Variants in PRKAR1A observed in about 807,000 individuals in gnomAD.
PRKAR1A encodes the protein cAMP-dependent protein kinase type I-alpha regulatory subunit.
A neutral mutation model predicts 52.0 loss-of-function variants in PRKAR1A; 3 were observed. That is an observed-to-expected ratio of 0.06 (90% CI 0.03 to 0.15). The LOEUF (loss-of-function observed/expected upper bound fraction) is 0.15, where lower values mean the gene tolerates loss of function less well. Among genes scored for constraint, PRKAR1A ranks in the 10% least tolerant of loss-of-function variants. The pLI is 1.00. For synonymous variants in PRKAR1A, 188 were observed against 168.4 expected, an observed-to-expected ratio of 1.12 and a Z score of -0.90; for missense variants, 240 against 477.4, an observed-to-expected ratio of 0.50 and a Z score of 4.63.
intron 2 of PRKAR1A, among the ~76,000 whole-genome samples, chr17:68,516,801 C>T (rs1053571390): frequency 4.6e-5 from 7 of 151,718 alleles, no homozygotes; most frequent in Admixed American, 6.6e-5. Flanking sequence ...GATATTCTGG[C>T]TTTCTCTTAT....
the PRKAR1A span, among the ~76,000 whole-genome samples, chr17:68,502,888 T>G: frequency 6.6e-6 from 1 of 152,170 alleles, no homozygotes; most frequent in Non-Finnish European, 1.5e-5. Context: ...AATTGTTAAC[T>G]TCTATGATTT....
chr17:68,444,734 TATGGATGTACAC>T, the PRKAR1A span: 1 of 620,890 alleles, frequency 1.6e-6, no homozygotes, highest in Non-Finnish European at 2.7e-6. Flanking sequence ...AGATTGTGTT[TATGGATGTACAC>T]ACATACACAT....
chr17:68,514,829 T>A (rs930499387), intron 1 of PRKAR1A: 1 of 153,476 alleles, frequency 6.5e-6, no homozygotes, highest in African/African-American at 2.4e-5. Flanking sequence ...TCTAATTTTC[T>A]TGTGTGTTTT....
the PRKAR1A span, chr17:68,421,495 C>T: frequency 9.7e-5 from 41 of 422,566 alleles, no homozygotes; most frequent in Admixed American, 1.1e-3. Flanking sequence ...TATAAAATTC[C>T]GGTTATATAC....
chr17:68,499,032 A>G, the PRKAR1A span, among the ~76,000 whole-genome samples: 12 of 152,170 alleles, frequency 7.9e-5, no homozygotes, highest in East Asian at 1.2e-3. Context: ...AGGAACAACA[A>G]TAGTACGTAC....
the PRKAR1A span, chr17:68,428,586 A>G: frequency 4.6e-6 from 2 of 431,866 alleles, no homozygotes; most frequent in East Asian, 9.4e-5. Flanking sequence ...TTAGGAGCAT[A>G]GGCTGAGGGG....
chr17:68,516,401 AC>A (rs1333628367), intron 2 of PRKAR1A, among the ~76,000 whole-genome samples: 3 of 152,158 alleles, frequency 2.0e-5, no homozygotes, highest in African/African-American at 4.8e-5. Flanking sequence ...AGAGAAACTT[AC>A]TGATTTTCTT....
chr17:68,436,218 G>A, the PRKAR1A span, among the ~76,000 whole-genome samples: 897 of 152,324 alleles, frequency 5.9e-3, 9 homozygotes, highest in African/African-American at 0.021. Context: ...TTGACTCACA[G>A]CAAGCCCGAG....
the PRKAR1A span, among the ~76,000 whole-genome samples, chr17:68,442,685 C>T: frequency 3.3e-5 from 5 of 152,160 alleles, no homozygotes; most frequent in Non-Finnish European, 7.4e-5. Context: ...CCAGCTCAGG[C>T]CCTGCCAGCC....
Position 68,542,932 on chromosome 17 carries a change from C to G in PRKAR1A, c.974-8152C>G, listed in dbSNP as rs149040616. 519 of 746,138 alleles carry G rather than the reference C, an allele frequency of 7.0e-4. 3 individuals are homozygous for G. Among genetic ancestry groups the G allele is most frequent in the African/African-American group, 5.5e-3 (319 of 58,340 alleles). The allele number at this position is 746,138 out of a possible 1,614,324, so 46.2% of individuals were successfully genotyped here. On this transcript the variant is annotated intron_variant, in intron 11 of 11. Coordinates refer to the PRKAR1A transcript ENST00000585981. ...GTACCCAGGAGGGTGGCCGGTGAGG[C>G]GTGACTCTGCACTGTTGAGCTGGTA...
At chr17:68,495,952 T>C in the PRKAR1A span, among the ~76,000 whole-genome samples, 10 of 96,072 alleles carry the variant, frequency 1.0e-4, no homozygotes, top group Non-Finnish European at 1.9e-4. Flanking sequence ...TTCCTTTCCT[T>C]TCCTCTCCTC....
chr17:68,481,410 T>G, the PRKAR1A span, among the ~76,000 whole-genome samples: 3 of 152,228 alleles, frequency 2.0e-5, no homozygotes, highest in East Asian at 5.8e-4. Flanking sequence ...CTTGTTTTCC[T>G]GCAACTAGAC....
At chr17:68,550,890 CTCTT>C (rs2086805078) in intron 11 of PRKAR1A, among the ~76,000 whole-genome samples, 1 of 152,234 alleles carries the variant, frequency 6.6e-6, no homozygotes, top group African/African-American at 2.4e-5. Context: ...GGGACTGAAA[CTCTT>C]TATTCGGTGC....
At chr17:68,528,246 G>A (rs931810154) in intron 8 of PRKAR1A, among the ~76,000 whole-genome samples, 2 of 152,286 alleles carry the variant, frequency 1.3e-5, no homozygotes, top group South Asian at 2.1e-4. Flanking sequence ...ATTCTTTTGT[G>A]CATTTTGTTA....
chr17:68,427,063 G>C, the PRKAR1A span: 2 of 1,269,054 alleles, frequency 1.6e-6, no homozygotes, highest in Admixed American at 1.7e-5. Context: ...GGGAAGGGGA[G>C]GGAGCGTGCA....
At chr17:68,427,245 C>T in the PRKAR1A span, 1 of 1,613,402 alleles carries the variant, frequency 6.2e-7, no homozygotes. Context: ...TGTTCCTGAG[C>T]CAAGCAAGCT....
At chr17:68,434,638 A>T in the PRKAR1A span, 1 of 1,613,914 alleles carries the variant, frequency 6.2e-7, no homozygotes, top group African/African-American at 1.3e-5. Context: ...TGGAAAAGAA[A>T]GCAGGTGGAC....
the PRKAR1A span, among the ~76,000 whole-genome samples, chr17:68,483,207 G>T: frequency 2.0e-5 from 3 of 152,046 alleles, no homozygotes; most frequent in East Asian, 1.9e-4. Context: ...CGGGCCAGGC[G>T]CAGTGGCTCA....
intron 11 of PRKAR1A, among the ~76,000 whole-genome samples, chr17:68,548,909 T>G (rs1392201055): frequency 6.6e-6 from 1 of 151,630 alleles, no homozygotes; most frequent in African/African-American, 2.4e-5. Context: ...ATTTTTTGTA[T>G]TTTTAGTAGA....
Sources: allele counts gnomAD v4.1 joint callset (sites outside exome capture counted in the v4.1 genomes callset), GRCh38; gene constraint gnomAD v4.1.1; transcripts MANE v1.5; gene names NCBI Gene and HGNC (gene_info 2026-07-23, HGNC 2026-07-21).